Variants in RSAD2 observed in about 807,000 individuals in gnomAD.
RSAD2 encodes the protein S-adenosylmethionine-dependent nucleotide dehydratase RSAD2.
In RSAD2, 38 loss-of-function variants were observed where a neutral mutation model predicts 37.7. That is an observed-to-expected ratio of 1.01 (90% CI 0.78 to 1.32). The LOEUF (loss-of-function observed/expected upper bound fraction) is 1.32. Among genes scored for constraint, RSAD2 ranks in the 40% most tolerant of loss-of-function variants. The probability of loss-of-function intolerance (pLI) is 0.00; values close to 1 mark genes in which losing one functional copy is unlikely to be tolerated. For missense variants in RSAD2, 428 were observed against 437.5 expected (o/e 0.98, Z 0.19); for synonymous variants, 163 against 157.4 (o/e 1.04, Z -0.27).
rs760316336 is a variant in RSAD2, at chr2:6,878,093, T to C, written c.293T>C (p.Phe98Ser). 2 of 1,614,148 alleles carry C rather than the reference T, an allele frequency of 1.2e-6. No individual in the cohort carries two copies. Among genetic ancestry groups the C allele is most frequent in the Non-Finnish European group, 1.7e-6 (2 of 1,180,016 alleles). The change falls in exon 1 of 6, where the codon TTT becomes TCT. Residue 98 changes from phenylalanine to serine, a missense_variant. Physicochemically the swap from Phe to Ser is radical, Grantham distance 155. Transcript: ENST00000382040. ...GFCFHTAKTS[F>S]VLPLEEAKRG... ...TGTTTCCACACAGCCAAAACATCCT[T>C]TGTGCTGCCCCTTGAGGAAGCAAAG...
chr2:6,873,666 A>G (rs1295735994), upstream of RSAD2, among the ~76,000 whole-genome samples: 1 of 152,182 alleles, frequency 6.6e-6, no homozygotes, highest in Non-Finnish European at 1.5e-5. Context: ...CACTTTGCTT[A>G]TTTAGGAGTG....
In RSAD2 at chr2:6,887,183, T is replaced by C. The variant is rs1311749218; in HGVS notation, c.738+19T>C. 6.3e-7 allele frequency: 1 copy of C among 1,577,328 alleles called. No individual in the cohort carries two copies. Among genetic ancestry groups the C allele is most frequent in the Non-Finnish European group, 8.7e-7 (1 of 1,148,910 alleles). On this transcript the variant is annotated intron_variant, in intron 3 of 5. Transcript: ENST00000382040. Reference sequence around the variant, plus strand: ...CTGGAAAGTAAGTACACAAGGTCGCTTTTGCTGATTTCCTTCAAGAAAACT... The same window carrying C: ...CTGGAAAGTAAGTACACAAGGTCGCCTTTGCTGATTTCCTTCAAGAAAACT...
At chr2:6,886,375 G>C (rs973075510) in intron 2 of RSAD2, among the ~76,000 whole-genome samples, 2 of 152,198 alleles carry the variant, frequency 1.3e-5, no homozygotes, top group African/African-American at 4.8e-5. Context: ...CCCACACCAG[G>C]CTTCCCTTTC....
At chr2:6,889,397 G>C (rs1410244410) in intron 3 of RSAD2, among the ~76,000 whole-genome samples, 1 of 152,292 alleles carries the variant, frequency 6.6e-6, no homozygotes, top group African/African-American at 2.4e-5. Flanking sequence ...AAAATAAAGA[G>C]TGAGCAAAAA....
intron 2 of RSAD2, 132 bp downstream of exon 2, chr2:6,883,664 T>C (rs1250969993): frequency 4.0e-6 from 4 of 992,974 alleles, no homozygotes; most frequent in African/African-American, 3.3e-5. Flanking sequence ...TAATCTTGCT[T>C]ACTCTAATTG....
chr2:6,885,965 G>A (rs909837612), intron 2 of RSAD2, among the ~76,000 whole-genome samples: 6 of 151,974 alleles, frequency 3.9e-5, no homozygotes, highest in African/African-American at 1.5e-4. Flanking sequence ...TGTTACATAC[G>A]GATAAAATAA....
intron 2 of RSAD2, among the ~76,000 whole-genome samples, chr2:6,885,682 G>A (rs1478591554): frequency 6.6e-6 from 1 of 152,166 alleles, no homozygotes; most frequent in Non-Finnish European, 1.5e-5. Flanking sequence ...TTGGAAAGGC[G>A]GCAGAATATA....
At chr2:6,883,781 T>C in intron 2 of RSAD2, 1 of 455,168 alleles carries the variant, frequency 2.2e-6, no homozygotes, top group East Asian at 3.7e-5. Context: ...GACTATCTTG[T>C]ACATTGCAAT....
chr2:6,878,093 T>G lies in RSAD2; in HGVS notation c.293T>G (p.Phe98Cys). 6.2e-7 allele frequency: 1 copy of G among 1,614,148 alleles called. No individual in the cohort carries two copies. Among genetic ancestry groups the G allele is most frequent in the African/African-American group, 1.3e-5 (1 of 75,024 alleles). ...GFCFHTAKTSFVLPLEEAKRG... is the reference protein window; with the variant it reads ...GFCFHTAKTSCVLPLEEAKRG... ...TGTTTCCACACAGCCAAAACATCCT[T>G]TGTGCTGCCCCTTGAGGAAGCAAAG... Residue 98 changes from phenylalanine (F) to cysteine (C), a missense_variant, in exon 1 of 6, where the codon TTT becomes TGT. By Grantham distance (205) the Phe-to-Cys change is radical (BLOSUM62 -2). Transcript: ENST00000382040.
At chr2:6,868,027 C>A (rs925006172) in intron 1 of RSAD2, among the ~76,000 whole-genome samples, 6 of 152,110 alleles carry the variant, frequency 3.9e-5, no homozygotes, top group Admixed American at 1.3e-4. Context: ...ATGCCTGTAG[C>A]CACCCATCGT....
intron 2 of RSAD2, 128 bp from the exon 3 acceptor site, chr2:6,886,805 GTT>G: frequency 1.6e-6 from 1 of 641,732 alleles, no homozygotes. Flanking sequence ...ATCTCAATGA[GTT>G]TTGTGGGTAT....
intron 4 of RSAD2, among the ~76,000 whole-genome samples, chr2:6,891,043 A>G (rs1304751543): frequency 6.6e-6 from 1 of 152,194 alleles, no homozygotes; most frequent in African/African-American, 2.4e-5. Context: ...AAAATATGTC[A>G]CACATATCAT....
chr2:6,872,752 T>A (rs779940649), intron 1 of RSAD2, among the ~76,000 whole-genome samples: 4 of 152,194 alleles, frequency 2.6e-5, no homozygotes, highest in South Asian at 4.1e-4. Flanking sequence ...TGGCTACAAT[T>A]GAAAAGAAAT....
chr2:6,872,118 T>C (rs760818857), intron 1 of RSAD2, among the ~76,000 whole-genome samples: 2 of 152,166 alleles, frequency 1.3e-5, no homozygotes, highest in Admixed American at 6.6e-5. Flanking sequence ...TTTTGTAATA[T>C]GTTTACTTAG....
chr2:6,867,048 G>C (rs2103232712), intron 1 of RSAD2, among the ~76,000 whole-genome samples: 1 of 152,152 alleles, frequency 6.6e-6, no homozygotes, highest in South Asian at 2.1e-4. Flanking sequence ...ATGTACCGGT[G>C]GTTTCACGTG....
upstream of RSAD2, chr2:6,876,688 AAAAT>A (rs1465096677): frequency 3.9e-5 from 6 of 152,242 alleles, no homozygotes; most frequent in Non-Finnish European, 8.8e-5. Flanking sequence ...TTTTTTAAGT[AAAAT>A]AAATCATTTC....
In RSAD2 at chr2:6,883,395, G is replaced by A. The variant is rs781028354; in HGVS notation, c.371G>A (p.Gly124Asp). Residue 124 changes from glycine to aspartate, a missense_variant, in exon 2 of 6, where the codon GGT (glycine) becomes GAT (aspartate). Physicochemically the swap from Gly to Asp is moderately conservative, Grantham distance 94. Transcript: ENST00000382040. ...GGTATGGAGAAGATCAACTTTTCAG[G>A]TGGAGAGCCATTTCTTCAAGACCGG... is the stretch of plus-strand genomic sequence containing the variant. ...EAGMEKINFSGGEPFLQDRGE... is the reference protein window; with the variant it reads ...EAGMEKINFSDGEPFLQDRGE... The A allele has an allele frequency of 1.9e-6, 3 of 1,614,166 alleles. No homozygotes were observed. The highest frequency in any genetic ancestry group is 2.5e-6 in the Non-Finnish European group (3 of 1,180,040).
chr2:6,895,685 A>T, intron 5 of RSAD2, 93 bp from the exon 6 acceptor site: 1 of 1,161,032 alleles, frequency 8.6e-7, no homozygotes, highest in Non-Finnish European at 1.2e-6. Flanking sequence ...ACATGACTGG[A>T]ATATCAAAAG....
In RSAD2 at chr2:6,896,301, G is replaced by A. The variant is rs960449980; in HGVS notation, c.*359G>A. 1.1e-4 allele frequency: 18 copies of A among 169,162 alleles called. No individual in the cohort carries two copies. In the South Asian group the frequency reaches 2.9e-3, roughly 27 times the overall value. 10.5% of individuals were successfully genotyped at this position (169,162 alleles called of 1,614,324 possible). ...GACCTGACATTTAGCTCAATGATGC[G>A]TTTGTAAGAAATAAGCTCTAGTGAT... On this transcript the variant is annotated 3_prime_UTR_variant, in exon 6 of 6. Coordinates refer to ENST00000382040, the MANE Select transcript of RSAD2 (RefSeq NM_080657.5).
Sources: allele counts gnomAD v4.1 joint callset (sites outside exome capture counted in the v4.1 genomes callset), GRCh38; gene constraint gnomAD v4.1.1; transcripts MANE v1.5; gene names NCBI Gene and HGNC (gene_info 2026-07-23, HGNC 2026-07-21).